The following LRRTM4 variants were observed in gnomAD, a reference collection of about 807,000 sequenced individuals.
LRRTM4 encodes the protein leucine-rich repeat transmembrane neuronal protein 4.
A neutral mutation model predicts 47.6 loss-of-function variants in LRRTM4; 25 were observed. The observed-to-expected ratio is 0.53, with a 90% CI of 0.38 to 0.73. The LOEUF is 0.73. LRRTM4 is among the 30% of genes least tolerant of loss of function. The pLI is 0.00. For missense variants in LRRTM4, 638 were observed against 713.4 expected, an observed-to-expected ratio of 0.89 and a Z score of 1.20; for synonymous variants, 311 against 269.5, an observed-to-expected ratio of 1.15 and a Z score of -1.51.
intron 3 of LRRTM4, among the ~76,000 whole-genome samples, chr2:77,257,018 T>G (rs2104028278): frequency 6.6e-6 from 1 of 152,210 alleles, no homozygotes; most frequent in Non-Finnish European, 1.5e-5. Context: ...CCCACCATAT[T>G]AATAGGCTAA....
intron 3 of LRRTM4, among the ~76,000 whole-genome samples, chr2:76,993,326 C>G (rs1229107486): frequency 6.6e-6 from 1 of 151,672 alleles, no homozygotes; most frequent in Non-Finnish European, 1.5e-5. Context: ...AGTAAACAAT[C>G]AACAGAATGG....
chr2:77,413,779 A>C (rs896827494), intron 3 of LRRTM4, among the ~76,000 whole-genome samples: 1 of 152,172 alleles, frequency 6.6e-6, no homozygotes, highest in African/African-American at 2.4e-5. Context: ...TATGCAGTAC[A>C]TATGGACATA....
At chr2:77,423,113 A>G (rs919156536) in intron 3 of LRRTM4, among the ~76,000 whole-genome samples, 4 of 152,086 alleles carry the variant, frequency 2.6e-5, no homozygotes, top group Non-Finnish European at 2.9e-5. Context: ...AGCACTATTC[A>G]TTTTAAGAGT....
chr2:77,459,107 G>A (rs1013439114), intron 3 of LRRTM4, among the ~76,000 whole-genome samples: 2 of 151,816 alleles, frequency 1.3e-5, no homozygotes, highest in East Asian at 3.9e-4. Context: ...ATTCATTTTT[G>A]TCCAAAATAA....
intron 3 of LRRTM4, among the ~76,000 whole-genome samples, chr2:77,150,453 G>C (rs193028251): frequency 5.9e-5 from 9 of 152,238 alleles, no homozygotes; most frequent in Admixed American, 1.3e-4. Context: ...CAGAATGGGA[G>C]TTCAACTAAG....
intron 3 of LRRTM4, among the ~76,000 whole-genome samples, chr2:77,070,049 TTA>T (rs575762096): frequency 2.7e-5 from 4 of 146,636 alleles, no homozygotes; most frequent in Non-Finnish European, 3.0e-5. Context: ...ACAGATCAGA[TTA>T]TATATATATA....
At chr2:77,472,792 T>G (rs1206092347) in intron 3 of LRRTM4, among the ~76,000 whole-genome samples, 2 of 152,098 alleles carry the variant, frequency 1.3e-5, no homozygotes, top group African/African-American at 4.8e-5. Context: ...TTCCTAACCA[T>G]TCCAGTACTG....
intron 3 of LRRTM4, among the ~76,000 whole-genome samples, chr2:77,341,041 A>G (rs1417779670): frequency 2.0e-5 from 3 of 151,942 alleles, no homozygotes; most frequent in Non-Finnish European, 4.4e-5. Context: ...CACAGTGGCT[A>G]TAGTGGATGT....
In LRRTM4 at chr2:76,888,571, A is replaced by G. The variant is rs184837166; in HGVS notation, c.1552-139655T>C. On this transcript the variant is annotated intron_variant, in intron 3 of 3. Transcript: ENST00000409884. The stretch of plus-strand genomic sequence containing the variant: ...CTAAAAAGTAGCTAAACTTACTTCA[A>G]GTAAAAAAATTAATAGATATACTTT... Among the ~76,000 whole-genome samples, 26 of 151,934 alleles carry G rather than the reference A, an allele frequency of 1.7e-4. No homozygotes were observed. The East Asian group carries it at 4.4e-3, about 26-fold the overall frequency.
At chr2:77,474,285 A>G (rs888449336) in intron 3 of LRRTM4, among the ~76,000 whole-genome samples, 7 of 152,080 alleles carry the variant, frequency 4.6e-5, no homozygotes, top group Non-Finnish European at 5.9e-5. Context: ...AACAAAAGAC[A>G]TTCAGTAGAT....
rs577451953 is a variant in LRRTM4 at position 77,421,196 on chromosome 2, T to C, written c.1551+97122A>G. Reference sequence around the variant, plus strand: ...AAATTCCATTTAAAATTATGAGTTATTACGTCTCCTCTAAGGAAAGCTTGA... The same window carrying C: ...AAATTCCATTTAAAATTATGAGTTACTACGTCTCCTCTAAGGAAAGCTTGA... On this transcript the variant is annotated intron_variant, in intron 3 of 3. Transcript: ENST00000409884. 1.1e-4 allele frequency among the ~76,000 whole-genome samples: 17 copies of C among 152,268 alleles called. No individual in the cohort carries two copies. In the South Asian group the frequency reaches 3.5e-3, roughly 32 times the overall value.
chr2:77,058,463 G>A (rs1679679832), intron 3 of LRRTM4, among the ~76,000 whole-genome samples: 4 of 152,052 alleles, frequency 2.6e-5, no homozygotes, highest in South Asian at 2.1e-4. Context: ...GTAGCCTAAC[G>A]TCCTTCTAGC....
chr2:76,775,455 T>G (rs995719608), intron 3 of LRRTM4, among the ~76,000 whole-genome samples: 1 of 152,154 alleles, frequency 6.6e-6, no homozygotes, highest in African/African-American at 2.4e-5. Context: ...GGGGCATTGT[T>G]CAATATCAAA....
At chr2:76,749,750 T>C (rs752759026) in intron 3 of LRRTM4, among the ~76,000 whole-genome samples, 1 of 152,198 alleles carries the variant, frequency 6.6e-6, no homozygotes, top group Non-Finnish European at 1.5e-5. Flanking sequence ...AATTAAGCCA[T>C]AAATTTCTGA....
intron 3 of LRRTM4, among the ~76,000 whole-genome samples, chr2:76,924,801 C>T (rs974168448): frequency 6.6e-6 from 1 of 151,962 alleles, no homozygotes; most frequent in African/African-American, 2.4e-5. Flanking sequence ...AAATATCTAC[C>T]ACCTGCCTTA....
At chr2:77,402,380 C>G (rs1390202315) in intron 3 of LRRTM4, among the ~76,000 whole-genome samples, 3 of 151,872 alleles carry the variant, frequency 2.0e-5, no homozygotes, top group Admixed American at 2.0e-4. Flanking sequence ...AACTGCTGGG[C>G]TTAAGCAATT....
At chr2:77,292,489 C>A (rs1486053014) in intron 3 of LRRTM4, among the ~76,000 whole-genome samples, 1 of 151,264 alleles carries the variant, frequency 6.6e-6, no homozygotes, top group East Asian at 2.0e-4. Flanking sequence ...AAATGTGGCA[C>A]ATCTACACCA....
intron 3 of LRRTM4, among the ~76,000 whole-genome samples, chr2:77,423,003 A>C (rs1172122520): frequency 1.3e-5 from 2 of 152,120 alleles, no homozygotes; most frequent in East Asian, 3.8e-4. Context: ...AACTTGACAC[A>C]AACCTTAGGA....
At chr2:77,048,202 T>C (rs948353160) in intron 3 of LRRTM4, among the ~76,000 whole-genome samples, 8 of 152,036 alleles carry the variant, frequency 5.3e-5, no homozygotes, top group Admixed American at 5.3e-4. Flanking sequence ...TTTATAATGA[T>C]ATATACGTAT....
Sources: allele counts gnomAD v4.1 joint callset (sites outside exome capture counted in the v4.1 genomes callset), GRCh38; gene constraint gnomAD v4.1.1; transcripts MANE v1.5; gene names NCBI Gene and HGNC (gene_info 2026-07-23, HGNC 2026-07-21).